The following GPBP1L1 variants were observed in gnomAD, a reference collection of about 807,000 sequenced individuals.
GPBP1L1 encodes the protein vasculin-like protein 1.
Under a neutral mutation model 52.5 loss-of-function variants are expected in GPBP1L1, and 23 were observed. The ratio of observed to expected loss-of-function variants is 0.44; its 90% CI spans 0.32 to 0.62. GPBP1L1 has a LOEUF of 0.62. GPBP1L1 is among the 20% of genes least tolerant of loss of function. The probability of loss-of-function intolerance (pLI) is 0.06; values close to 1 mark genes in which losing one functional copy is unlikely to be tolerated. For synonymous variants in GPBP1L1, 243 were observed against 203.1 expected, an observed-to-expected ratio of 1.20 and a Z score of -1.67; for missense variants, 596 against 579.3, an observed-to-expected ratio of 1.03 and a Z score of -0.30.
chr1:45,684,957 CTT>C (rs1450277961), intron 2 of GPBP1L1, among the ~76,000 whole-genome samples: 2 of 151,980 alleles, frequency 1.3e-5, no homozygotes, highest in Non-Finnish European at 2.9e-5. Flanking sequence ...GCATTTCACT[CTT>C]TTATCTTTTA....
intron 6 of GPBP1L1, among the ~76,000 whole-genome samples, chr1:45,644,236 CAGA>C (rs1644711329): frequency 2.0e-5 from 3 of 152,152 alleles, no homozygotes; most frequent in South Asian, 4.1e-4. Flanking sequence ...GTGGTAGAGG[CAGA>C]AGGAGTGCCC....
chr1:45,679,936 C>T (rs1183560003), intron 2 of GPBP1L1, among the ~76,000 whole-genome samples: 31 of 128,532 alleles, frequency 2.4e-4, no homozygotes, highest in African/African-American at 9.2e-4. Context: ...CTGGCACACA[C>T]TTGTATTCCC....
intron 8 of GPBP1L1, chr1:45,635,662 C>T (rs1414976189): frequency 1.3e-5 from 2 of 152,112 alleles, no homozygotes. Flanking sequence ...ATGTAAAAGT[C>T]CATTAAAGTG....
rs371331946 is a variant in GPBP1L1 at position 45,655,194 on chromosome 1, T to C, written c.186A>G (p.Ala62=). Residue 62 remains alanine (A), a synonymous_variant, in exon 5 of 13, where the codon GCA becomes GCG. Coordinates refer to ENST00000355105, the MANE Select transcript of GPBP1L1 (RefSeq NM_021639.5). ...GFFNNGPLRT[A]GDSWHQPSLF... is the part of the protein sequence containing the mutation. ...TGAAAGTTGGACATGGCTCACCTCC[T>C]GCAGTTCGTAGGGGACCATTGTTAA... The C allele has an allele frequency of 6.2e-7, 1 of 1,614,090 alleles. No individual in the cohort carries two copies. The highest frequency in any genetic ancestry group is 8.5e-7 in the Non-Finnish European group (1 of 1,179,958).
intron 12 of GPBP1L1, 68 bp from the exon 13 acceptor site, chr1:45,628,476 T>A: frequency 6.7e-7 from 1 of 1,486,848 alleles, no homozygotes; most frequent in Non-Finnish European, 9.1e-7. Flanking sequence ...CCATAAGCCC[T>A]GGGAAAGGCC....
intron 2 of GPBP1L1, among the ~76,000 whole-genome samples, chr1:45,676,424 G>C (rs1645139517): frequency 6.6e-6 from 1 of 151,974 alleles, no homozygotes; most frequent in Admixed American, 6.6e-5. Context: ...AACAGGGCAA[G>C]ACCCCATCTC....
chr1:45,677,054 G>C (rs1307283289), intron 2 of GPBP1L1, among the ~76,000 whole-genome samples: 3 of 150,962 alleles, frequency 2.0e-5, no homozygotes, highest in Admixed American at 6.6e-5. Context: ...AAAAAAAAAA[G>C]GGCCAGTGCA....
At chr1:45,634,304 T>C in intron 8 of GPBP1L1, 68 bp from the exon 9 acceptor site, 1 of 1,454,504 alleles carries the variant, frequency 6.9e-7, no homozygotes, top group Non-Finnish European at 9.3e-7. Flanking sequence ...TATAAAATCA[T>C]AAAGCAAAGA....
At chr1:45,658,023 T>C (rs1644904856) in intron 4 of GPBP1L1, among the ~76,000 whole-genome samples, 1 of 152,188 alleles carries the variant, frequency 6.6e-6, no homozygotes, top group Admixed American at 6.5e-5. Flanking sequence ...GCTGGCAAAA[T>C]GGGAAGCACT....
rs781335995 is a variant in GPBP1L1, at chr1:45,654,803, G to C, written c.217C>G (p.Arg73Gly). 1 of 1,614,042 alleles carries C rather than the reference G, an allele frequency of 6.2e-7. No individual in the cohort carries two copies. The highest frequency in any genetic ancestry group is 8.5e-7 in the Non-Finnish European group (1 of 1,179,992). ...GDSWHQPSLF[R>G]HDSVDSGVSK... The stretch of plus-strand genomic sequence containing the variant: ...ACACCAGAGTCCACAGAATCATGGC[G>C]GAACAGGGAGGGCTGGTGCCAAGAA... The change falls in exon 6 of 13, where the codon CGC becomes GGC. Residue 73 changes from arginine (R) to glycine (G), a missense_variant. By Grantham distance (125) the Arg-to-Gly change is moderately radical. Coordinates refer to ENST00000355105, the MANE Select transcript of GPBP1L1 (RefSeq NM_021639.5).
chr1:45,673,475 A>G (rs183995143), intron 2 of GPBP1L1, among the ~76,000 whole-genome samples: 114 of 152,320 alleles, frequency 7.5e-4, no homozygotes, highest in Non-Finnish European at 1.4e-3. Context: ...AATTCCCCAA[A>G]TGCCAATCTA....
intron 2 of GPBP1L1, among the ~76,000 whole-genome samples, chr1:45,667,376 TTA>T (rs778626328): frequency 1.3e-4 from 20 of 152,304 alleles, no homozygotes; most frequent in Non-Finnish European, 2.6e-4. Context: ...GTCAAATATT[TTA>T]TCTCTTCAAA....
intron 4 of GPBP1L1, 36 bp downstream of exon 4, chr1:45,658,992 T>C (rs749673504): frequency 2.7e-5 from 38 of 1,397,108 alleles, no homozygotes; most frequent in Non-Finnish European, 3.7e-5. Flanking sequence ...AACCCTCTCA[T>C]ATTTGAGAAG....
intron 2 of GPBP1L1, among the ~76,000 whole-genome samples, chr1:45,672,639 A>G (rs903524565): frequency 2.6e-5 from 4 of 152,174 alleles, no homozygotes; most frequent in African/African-American, 7.2e-5. Context: ...ACTGTAGACC[A>G]ATTTTATTTA....
In GPBP1L1 at chr1:45,629,635, C is replaced by G; in HGVS notation, c.1213G>C (p.Glu405Gln). ...TCCTCTGTGAGGGGAAGGCAATTCT[C>G]ATCATTTTCAGGATATTCCTGCCAA... ...MGWQEYPEND[E>Q]NCLPLTEDEL... The change falls in exon 12 of 13, where the codon GAG (glutamate) becomes CAG (glutamine). Residue 405 changes from glutamate (E) to glutamine (Q), a missense_variant. Coordinates refer to ENST00000355105, the MANE Select transcript of GPBP1L1 (RefSeq NM_021639.5). The G allele has an allele frequency of 6.2e-7, 1 of 1,613,640 alleles. No homozygotes were observed.
Position 45,633,992 on chromosome 1 carries a change from A to G in GPBP1L1, c.885+104T>C, listed in dbSNP as rs1000375617. The G allele has an allele frequency of 2.4e-5, 29 of 1,224,380 alleles. No individual in the cohort carries two copies. In the East Asian group the frequency reaches 4.5e-4, roughly 19 times the overall value. 75.8% of individuals were successfully genotyped at this position (1,224,380 alleles called of 1,614,324 possible). ...ATAAAGAAACTATTCTCAGCTAAAT[A>G]TAGCTACAAAACAAGTGTCACAGCT... On this transcript the variant is annotated intron_variant, in intron 9 of 12. Transcript: ENST00000355105.
intron 2 of GPBP1L1, among the ~76,000 whole-genome samples, chr1:45,663,373 G>A (rs1015514707): frequency 4.6e-5 from 7 of 152,114 alleles, no homozygotes; most frequent in African/African-American, 1.4e-4. Flanking sequence ...GGTACCTTCC[G>A]GTTTTCCAAC....
intron 8 of GPBP1L1, among the ~76,000 whole-genome samples, chr1:45,638,898 T>G (rs1006058897): frequency 1.8e-4 from 28 of 152,182 alleles, no homozygotes; most frequent in Non-Finnish European, 4.4e-5. Context: ...AAAGATGGAT[T>G]AGAGTTTGGC....
intron 12 of GPBP1L1, 43 bp downstream of exon 12, chr1:45,629,533 C>G (rs1350275547): frequency 1.0e-6 from 1 of 989,830 alleles, no homozygotes; most frequent in Non-Finnish European, 1.5e-6. Context: ...TCCTTATTCT[C>G]CTGGTTACTA....
Sources: allele counts gnomAD v4.1 joint callset (sites outside exome capture counted in the v4.1 genomes callset), GRCh38; gene constraint gnomAD v4.1.1; transcripts MANE v1.5; gene names NCBI Gene and HGNC (gene_info 2026-07-23, HGNC 2026-07-21).